The following FOXN3 variants were observed in gnomAD, a reference collection of about 807,000 sequenced individuals.
FOXN3 encodes the protein forkhead box protein N3.
Under a neutral mutation model 38.4 loss-of-function variants are expected in FOXN3, and 7 were observed. The ratio of observed to expected loss-of-function variants is 0.18; its 90% CI spans 0.10 to 0.34. The LOEUF (loss-of-function observed/expected upper bound fraction) is 0.34, where lower values mean the gene tolerates loss of function less well. Among genes scored for constraint, FOXN3 ranks in the 10% least tolerant of loss-of-function variants. FOXN3 has a pLI of 1.00. For synonymous variants in FOXN3, 230 were observed against 242.2 expected (o/e 0.95, Z 0.47); for missense variants, 456 against 613.4 (o/e 0.74, Z 2.71).
intron 1 of FOXN3, among the ~76,000 whole-genome samples, chr14:89,521,275 A>T (rs1894310163): frequency 6.6e-6 from 1 of 151,828 alleles, no homozygotes; most frequent in Admixed American, 6.6e-5. Flanking sequence ...GCACCACTGC[A>T]CTCCAGCCTG....
At chr14:89,424,946 C>T (rs1430974413) in intron 1 of FOXN3, among the ~76,000 whole-genome samples, 1 of 152,144 alleles carries the variant, frequency 6.6e-6, no homozygotes, top group Non-Finnish European at 1.5e-5. Flanking sequence ...GCTTCTCCTG[C>T]CCCAGGGATA....
At chr14:89,470,756 C>T (rs1041189665) in intron 1 of FOXN3, among the ~76,000 whole-genome samples, 1 of 152,154 alleles carries the variant, frequency 6.6e-6, no homozygotes, top group Non-Finnish European at 1.5e-5. Context: ...ACAGGCACTC[C>T]GTCCCAAGCA....
At chr14:89,404,023 C>T (rs142395977) in intron 2 of FOXN3, among the ~76,000 whole-genome samples, 105 of 152,328 alleles carry the variant, frequency 6.9e-4, no homozygotes, top group African/African-American at 2.5e-3. Flanking sequence ...GAGTGCCTTA[C>T]AGGCAGTGGC....
At chr14:89,357,784 C>G (rs1889296433) in intron 2 of FOXN3, among the ~76,000 whole-genome samples, 1 of 152,130 alleles carries the variant, frequency 6.6e-6, no homozygotes, top group Non-Finnish European at 1.5e-5. Context: ...TGTACATATA[C>G]TTTGTGATGT....
At position 89,164,223 on chromosome 14, in the gene FOXN3, A is replaced by G. The variant is rs575913268; in HGVS notation, c.852-1254T>C. On this transcript the variant is annotated intron_variant, in intron 5 of 5. Transcript: ENST00000557258. The surrounding 1 kb of genome is among the most constrained non-coding windows in gnomAD (Gnocchi z 4.3). The stretch of plus-strand genomic sequence containing the variant: ...CTGGCGCCCAGCCTTCAGAAGGATG[A>G]ATACTTGCAGGAGAGGAGGGTCACT... Among the ~76,000 whole-genome samples, 23 of 152,256 alleles carry G rather than the reference A, an allele frequency of 1.5e-4. No individual in the cohort carries two copies. In the South Asian group the frequency reaches 4.6e-3, roughly 30 times the overall value.
chr14:89,441,103 A>G (rs945774734), intron 1 of FOXN3, among the ~76,000 whole-genome samples: 5 of 151,626 alleles, frequency 3.3e-5, no homozygotes, highest in Admixed American at 6.6e-5. Context: ...TTCCTCCCCA[A>G]CCCTGCCCTT....
intron 4 of FOXN3, chr14:89,230,836 G>A (rs1884784899): frequency 4.4e-6 from 2 of 455,684 alleles, no homozygotes; most frequent in Admixed American, 4.7e-5. Flanking sequence ...GTTCAGCCTT[G>A]TTTCTCAATG....
intron 3 of FOXN3, among the ~76,000 whole-genome samples, chr14:89,319,865 C>A (rs1418760258): frequency 6.6e-6 from 1 of 152,158 alleles, no homozygotes; most frequent in African/African-American, 2.4e-5. Flanking sequence ...TTGAATATAA[C>A]ATCAAAAATA....
At chr14:89,513,164 A>AAG (rs1555358186) in intron 1 of FOXN3, among the ~76,000 whole-genome samples, 8 of 148,668 alleles carry the variant, frequency 5.4e-5, no homozygotes, top group East Asian at 3.9e-4. Flanking sequence ...AAAAAAAAAA[A>AAG]AAAAAGAAAA....
chr14:89,519,936 C>T (rs1894284527), intron 1 of FOXN3, among the ~76,000 whole-genome samples: 1 of 151,930 alleles, frequency 6.6e-6, no homozygotes, highest in African/African-American at 2.4e-5. Context: ...GCAGCAAAAG[C>T]TATAAAAGAA....
In FOXN3 at chr14:89,262,709, T is replaced by C. The variant is rs961890266; in HGVS notation, c.745+18241A>G. ...AGAAACACTCTCAAGATAAAATCTA[T>C]GTCGGAGTATTAATATTAAAATGAT... On this transcript the variant is annotated intron_variant, in intron 4 of 5. Transcript: ENST00000557258. 2.8e-4 allele frequency among the ~76,000 whole-genome samples: 42 copies of C among 152,116 alleles called. 1 individual carries two copies. Among genetic ancestry groups the C allele is most frequent in the Non-Finnish European group, 5.9e-5 (4 of 68,022 alleles).
intron 3 of FOXN3, among the ~76,000 whole-genome samples, chr14:89,314,070 C>A (rs1480769520): frequency 1.3e-5 from 2 of 152,084 alleles, no homozygotes; most frequent in Non-Finnish European, 2.9e-5. Flanking sequence ...CTTAACCCTA[C>A]TGAACTATAC....
chr14:89,559,400 G>A (rs557142529), intron 1 of FOXN3, among the ~76,000 whole-genome samples: 6 of 151,984 alleles, frequency 3.9e-5, no homozygotes, highest in Non-Finnish European at 7.4e-5. Flanking sequence ...AAATAAGGCC[G>A]GGCGTGGTGG....
chr14:89,348,675 G>A (rs1888849602), intron 3 of FOXN3, among the ~76,000 whole-genome samples: 1 of 151,808 alleles, frequency 6.6e-6, no homozygotes, highest in African/African-American at 2.4e-5. Context: ...TCCCCCCTCA[G>A]TCAACTGGGG....
intron 3 of FOXN3, among the ~76,000 whole-genome samples, chr14:89,339,498 C>A (rs1888554619): frequency 1.3e-5 from 2 of 152,170 alleles, no homozygotes; most frequent in South Asian, 4.1e-4. Flanking sequence ...CCGTCTGCAC[C>A]AGGGCAAGCG....
At chr14:89,248,455 C>T (rs879328869) in intron 4 of FOXN3, among the ~76,000 whole-genome samples, 8 of 152,222 alleles carry the variant, frequency 5.3e-5, no homozygotes, top group Non-Finnish European at 1.2e-4. Flanking sequence ...CTACTCTCTT[C>T]CCTAGGGACT....
chr14:89,308,474 T>C (rs1378575208), intron 3 of FOXN3, among the ~76,000 whole-genome samples: 1 of 152,210 alleles, frequency 6.6e-6, no homozygotes, highest in Non-Finnish European at 1.5e-5. Flanking sequence ...AATCCCACTG[T>C]CTTCAGGCTG....
At chr14:89,381,837 G>A (rs564612983) in intron 2 of FOXN3, among the ~76,000 whole-genome samples, 7 of 150,152 alleles carry the variant, frequency 4.7e-5, no homozygotes, top group East Asian at 2.0e-4. Context: ...TCCAGCCTGG[G>A]CAACAGAGAA....
chr14:89,608,064 C>T (rs1301950935), intron 1 of FOXN3, among the ~76,000 whole-genome samples: 4 of 152,094 alleles, frequency 2.6e-5, no homozygotes, highest in Non-Finnish European at 4.4e-5. Flanking sequence ...CTGAAAGCTC[C>T]GCTTCCCAGG....
Sources: allele counts gnomAD v4.1 joint callset (sites outside exome capture counted in the v4.1 genomes callset), GRCh38; gene constraint gnomAD v4.1.1; non-coding constraint Gnocchi (gnomAD v3.1); transcripts MANE v1.5; gene names NCBI Gene and HGNC (gene_info 2026-07-23, HGNC 2026-07-21).